Variants in WDR70 observed in about 807,000 individuals in gnomAD.
WDR70 encodes WD repeat-containing protein 70.
In WDR70, 53 loss-of-function variants were observed where a neutral mutation model predicts 88.6. The observed-to-expected ratio is 0.60, with a 90% confidence interval of 0.48 to 0.75. WDR70 has a LOEUF of 0.75. WDR70 is among the 30% of genes least tolerant of loss of function. WDR70 has a pLI of 0.00. For missense variants in WDR70, 610 were observed against 823.2 expected (o/e 0.74, Z 3.17); for synonymous variants, 280 against 270.0 (o/e 1.04, Z -0.36).
chr5:37,518,492 A>T (rs1377130386), intron 9 of WDR70, among the ~76,000 whole-genome samples: 1 of 152,038 alleles, frequency 6.6e-6, no homozygotes, highest in African/African-American at 2.4e-5. Flanking sequence ...ATTTAATGTA[A>T]TGATCTCCAG....
chr5:37,509,746 C>T (rs138367196), intron 8 of WDR70, among the ~76,000 whole-genome samples: 24 of 149,810 alleles, frequency 1.6e-4, no homozygotes, highest in African/African-American at 5.2e-4. Context: ...TTTTTTTTCT[C>T]GTTTTTCAAC....
intron 8 of WDR70, among the ~76,000 whole-genome samples, chr5:37,514,886 C>A: frequency 6.6e-6 from 1 of 151,882 alleles, no homozygotes; most frequent in Admixed American, 6.6e-5. Context: ...CATGGTGGCT[C>A]ATGCCTGTAA....
At chr5:37,598,419 A>T (rs1290089100) in intron 9 of WDR70, among the ~76,000 whole-genome samples, 1 of 152,230 alleles carries the variant, frequency 6.6e-6, no homozygotes, top group Admixed American at 6.5e-5. Flanking sequence ...ATATAAACAT[A>T]TCTAGGATAG....
chr5:37,549,466 A>AT (rs1287817860), intron 9 of WDR70, among the ~76,000 whole-genome samples: 2 of 152,046 alleles, frequency 1.3e-5, no homozygotes, highest in East Asian at 3.9e-4. Context: ...AATGCTACTG[A>AT]TTTTTTTATG....
At chr5:37,530,535 G>T (rs1259870466) in intron 9 of WDR70, among the ~76,000 whole-genome samples, 1 of 151,846 alleles carries the variant, frequency 6.6e-6, no homozygotes, top group Non-Finnish European at 1.5e-5. Context: ...ATCTGGGAGG[G>T]TTATATATTT....
chr5:37,466,844 A>G (rs1739166547), intron 7 of WDR70, among the ~76,000 whole-genome samples: 1 of 152,254 alleles, frequency 6.6e-6, no homozygotes, highest in South Asian at 2.1e-4. Context: ...CTCGTCATGT[A>G]AAGTTCTGTT....
At chr5:37,604,803 G>T (rs1400851) in intron 9 of WDR70, among the ~76,000 whole-genome samples, 70,617 of 152,038 alleles carry the variant, frequency 0.46, 18,023 homozygotes, top group Non-Finnish European at 0.58. Flanking sequence ...AATTAATAAC[G>T]TTGATCGATT....
chr5:37,437,866 A>G lies in WDR70; in HGVS notation c.493-56A>G, dbSNP rs915695978. The G allele has an allele frequency of 2.0e-6, 3 of 1,507,690 alleles. No homozygotes were observed. The African/African-American group carries it at 4.2e-5, about 21-fold the overall frequency. The allele number at this position is 1,507,690 out of a possible 1,614,324, so 93.4% of individuals were successfully genotyped here. ...GTATTTCCTGTGAAATGTGTTGTGT[A>G]GTTCCCCACAAATATGTTATTTTAC... On this transcript the variant is annotated intron_variant, in intron 5 of 17. Transcript: ENST00000265107.
intron 13 of WDR70, among the ~76,000 whole-genome samples, chr5:37,708,685 A>AG (rs1327417902): frequency 2.6e-5 from 4 of 152,300 alleles, no homozygotes; most frequent in African/African-American, 9.6e-5. Flanking sequence ...ATAATGTGTA[A>AG]GGGACATACG....
intron 9 of WDR70, among the ~76,000 whole-genome samples, chr5:37,602,915 T>A (rs943650171): frequency 6.6e-6 from 1 of 152,066 alleles, no homozygotes; most frequent in Non-Finnish European, 1.5e-5. Context: ...AGGTGGAGGT[T>A]GCAGTGAGCC....
intron 9 of WDR70, among the ~76,000 whole-genome samples, chr5:37,531,587 CTTTTTTTTT>C (rs149831770): frequency 1.3e-5 from 1 of 77,736 alleles, no homozygotes; most frequent in Non-Finnish European, 3.2e-5. Context: ...TAAAGTTTTT[CTTTTTTTTT>C]TTTTTTTTTT....
intron 8 of WDR70, among the ~76,000 whole-genome samples, chr5:37,501,870 G>A (rs1740414362): frequency 6.6e-6 from 1 of 152,044 alleles, no homozygotes; most frequent in Non-Finnish European, 1.5e-5. Context: ...TTGGAGTTAG[G>A]TAATGTTATA....
At chr5:37,529,790 C>T (rs1393578923) in intron 9 of WDR70, among the ~76,000 whole-genome samples, 1 of 152,084 alleles carries the variant, frequency 6.6e-6, no homozygotes. Flanking sequence ...TTGACTTCCT[C>T]TTTATCAATT....
chr5:37,605,013 C>G (rs201051169), intron 9 of WDR70, 51 bp from the exon 10 acceptor site: 23 of 1,453,758 alleles, frequency 1.6e-5, no homozygotes, highest in South Asian at 3.1e-5. Context: ...TAACCTCCCC[C>G]CTCCTTCTTT....
chr5:37,651,732 G>A (rs1745414533), intron 10 of WDR70, among the ~76,000 whole-genome samples: 1 of 152,132 alleles, frequency 6.6e-6, no homozygotes, highest in African/African-American at 2.4e-5. Flanking sequence ...TTTTTCATAT[G>A]TTTGTTGGCC....
chr5:37,521,566 C>T (rs543148107), intron 9 of WDR70, among the ~76,000 whole-genome samples: 7 of 152,296 alleles, frequency 4.6e-5, no homozygotes, highest in African/African-American at 7.2e-5. Context: ...TTAGCTCCCA[C>T]ATGTGAGTGA....
chr5:37,585,973 A>G (rs545831677), intron 9 of WDR70, among the ~76,000 whole-genome samples: 6 of 152,290 alleles, frequency 3.9e-5, no homozygotes, highest in Non-Finnish European at 5.9e-5. Context: ...AGTTGTAACT[A>G]TATCAGATAT....
intron 9 of WDR70, among the ~76,000 whole-genome samples, chr5:37,582,637 A>G (rs1463405774): frequency 6.6e-6 from 1 of 152,256 alleles, no homozygotes; most frequent in Non-Finnish European, 1.5e-5. Context: ...TAATAAAAGT[A>G]ACCATGGTAA....
At chr5:37,605,747 A>T (rs1229156495) in intron 10 of WDR70, among the ~76,000 whole-genome samples, 1 of 152,154 alleles carries the variant, frequency 6.6e-6, no homozygotes, top group Non-Finnish European at 1.5e-5. Flanking sequence ...TTACAGTTTC[A>T]GGCTATTAGT....
Sources: gnomAD v4.1 joint callset for allele counts (sites outside exome capture counted in the v4.1 genomes callset) on GRCh38, gnomAD v4.1.1 for gene constraint, MANE v1.5 for transcripts, NCBI Gene and HGNC (gene_info 2026-07-23, HGNC 2026-07-21) for gene names.